Variants in CPEB1 observed in about 807,000 individuals in gnomAD.
CPEB1 encodes the protein cytoplasmic polyadenylation element binding protein 1.
Under a neutral mutation model 65.8 loss-of-function variants are expected in CPEB1, and 7 were observed. The observed-to-expected ratio is 0.11, with a 90% CI of 0.06 to 0.20. The LOEUF (loss-of-function observed/expected upper bound fraction) is 0.20, where lower values mean the gene tolerates loss of function less well. Ranked by LOEUF, CPEB1 falls within the 10% of genes least tolerant of loss-of-function variation. The pLI, the probability that CPEB1 is intolerant of heterozygous loss-of-function variation, is 1.00. For synonymous variants in CPEB1, 262 were observed against 260.0 expected (o/e 1.01, Z -0.08); for missense variants, 551 against 712.2 (o/e 0.77, Z 2.58).
chr15:82,636,450 T>C (rs956917234), intron 1 of CPEB1, among the ~76,000 whole-genome samples: 2 of 152,212 alleles, frequency 1.3e-5, no homozygotes, highest in African/African-American at 4.8e-5. Flanking sequence ...CTCTGGTTAT[T>C]CTTCATTTTT....
Position 82,604,324 on chromosome 15 carries a change from T to A in CPEB1, c.271+22869A>T, listed in dbSNP as rs991020362. 9.9e-5 allele frequency among the ~76,000 whole-genome samples: 15 copies of A among 151,772 alleles called. No individual in the cohort carries two copies. In the East Asian group the frequency reaches 2.9e-3, roughly 30 times the overall value. On this transcript the variant is annotated intron_variant, in intron 3 of 12. Coordinates refer to ENST00000684509, the MANE Select transcript of CPEB1 (RefSeq NM_001365242.1). ...GGGTGAAACCCTGTCTCTACTAAAA[T>A]ACAAAAAATTAGCTGGGCATGGTAG...
chr15:82,627,388 A>G (rs1452402194), intron 2 of CPEB1, 21 bp from the exon 3 acceptor site: 2 of 1,585,412 alleles, frequency 1.3e-6, no homozygotes, highest in East Asian at 2.2e-5. Context: ...AAAAAAAAAG[A>G]TATTTAGGTT....
chr15:82,599,023 A>G (rs759217398), intron 3 of CPEB1, among the ~76,000 whole-genome samples: 2 of 152,218 alleles, frequency 1.3e-5, no homozygotes, highest in African/African-American at 2.4e-5. Context: ...ACAAAGTTTT[A>G]AAATAAATAA....
chr15:82,604,121 G>A (rs73439148), intron 3 of CPEB1, among the ~76,000 whole-genome samples: 2 of 152,164 alleles, frequency 1.3e-5, no homozygotes, highest in Non-Finnish European at 2.9e-5. Flanking sequence ...GGCCCAGAAC[G>A]AAGGATCACT....
intron 3 of CPEB1, among the ~76,000 whole-genome samples, chr15:82,626,869 CTTAATT>C (rs979563170): frequency 9.2e-5 from 14 of 152,154 alleles, no homozygotes; most frequent in Admixed American, 5.9e-4. Context: ...TCATCTGTAT[CTTAATT>C]TTAACATGGC....
Position 82,582,010 on chromosome 15 carries a change from T to C in CPEB1, c.272-10478A>G, listed in dbSNP as rs151249507. Among the ~76,000 whole-genome samples, 198 of 152,352 alleles carry C rather than the reference T, an allele frequency of 1.3e-3. 1 individual carries two copies. The highest frequency in any genetic ancestry group is 2.4e-3 in the Non-Finnish European group (162 of 68,038). On this transcript the variant is annotated intron_variant, in intron 3 of 12. Transcript: ENST00000684509. ...TAACTGTATATAATGGAAAAAGAAC[T>C]ATTTCCTGATTGTCCATGATGCCAA...
At chr15:82,582,907 A>T (rs78452973) in intron 3 of CPEB1, among the ~76,000 whole-genome samples, 2 of 151,774 alleles carry the variant, frequency 1.3e-5, no homozygotes, top group Admixed American at 1.3e-4. Flanking sequence ...CACGACAGCT[A>T]ATTTTTTGTA....
At chr15:82,583,238 G>A (rs2041469261) in intron 3 of CPEB1, 1 of 152,162 alleles carries the variant, frequency 6.6e-6, no homozygotes, top group African/African-American at 2.4e-5. Flanking sequence ...TTATGGTATG[G>A]GGGAGTTCTG....
intron 3 of CPEB1, among the ~76,000 whole-genome samples, chr15:82,609,955 G>A (rs1221888337): frequency 6.6e-6 from 1 of 151,712 alleles, no homozygotes; most frequent in East Asian, 1.9e-4. Context: ...AGCTACTTGG[G>A]AGGCTGAGGC....
chr15:82,647,944 G>T (rs1490064001), upstream of CPEB1: 1 of 1,174,674 alleles, frequency 8.5e-7, no homozygotes, highest in East Asian at 3.3e-5. Context: ...ACGCACGTGG[G>T]CACTATTTTT....
intron 3 of CPEB1, among the ~76,000 whole-genome samples, chr15:82,595,740 ATTAAGT>A (rs1263227025): frequency 2.6e-5 from 4 of 152,246 alleles, no homozygotes; most frequent in Non-Finnish European, 5.9e-5. Context: ...AGTTCATGAA[ATTAAGT>A]TTATTTTTTA....
At chr15:82,548,313 AAC>A (rs2035630623) in intron 10 of CPEB1, among the ~76,000 whole-genome samples, 1 of 152,144 alleles carries the variant, frequency 6.6e-6, no homozygotes, top group African/African-American at 2.4e-5. Flanking sequence ...CCAGCACGGC[AAC>A]AGAGTGAGAC....
intron 3 of CPEB1, among the ~76,000 whole-genome samples, chr15:82,593,844 G>T (rs761895599): frequency 1.3e-5 from 2 of 152,178 alleles, no homozygotes; most frequent in Non-Finnish European, 2.9e-5. Context: ...AAGCTCGAGT[G>T]ACCAAGTGCA....
intron 4 of CPEB1, among the ~76,000 whole-genome samples, chr15:82,570,538 G>A (rs1239340106): frequency 2.6e-5 from 4 of 152,006 alleles, no homozygotes; most frequent in Non-Finnish European, 5.9e-5. Flanking sequence ...TTGTATTTAG[G>A]CAACCCTCCT....
intron 4 of CPEB1, among the ~76,000 whole-genome samples, chr15:82,568,995 T>G (rs551923952): frequency 6.7e-4 from 102 of 152,316 alleles, no homozygotes; most frequent in African/African-American, 2.4e-3. Context: ...AGCTTGCATC[T>G]TGGTCTCTAC....
chr15:82,648,630 C>A (rs587734479), upstream of CPEB1: 4 of 152,498 alleles, frequency 2.6e-5, no homozygotes, highest in African/African-American at 9.6e-5. Flanking sequence ...CCAGGGCAGG[C>A]GTCCTAGGGC....
intron 3 of CPEB1, among the ~76,000 whole-genome samples, chr15:82,611,970 G>A (rs2044198181): frequency 6.6e-6 from 1 of 151,872 alleles, no homozygotes; most frequent in Non-Finnish European, 1.5e-5. Context: ...CAGCACTTTG[G>A]GAAGCCGAGG....
At chr15:82,603,642 G>C (rs1479945158) in intron 3 of CPEB1, among the ~76,000 whole-genome samples, 1 of 152,154 alleles carries the variant, frequency 6.6e-6, no homozygotes, top group African/African-American at 2.4e-5. Flanking sequence ...TAAACTGTCT[G>C]GCTCAGTGTG....
intron 3 of CPEB1, among the ~76,000 whole-genome samples, chr15:82,583,044 C>T (rs914388875): frequency 7.9e-5 from 12 of 152,112 alleles, no homozygotes; most frequent in Non-Finnish European, 1.6e-4. Context: ...CTCCCTCACC[C>T]TCCCCACTAC....
Sources: gnomAD v4.1 joint callset for allele counts (sites outside exome capture counted in the v4.1 genomes callset) on GRCh38, gnomAD v4.1.1 for gene constraint, MANE v1.5 for transcripts, NCBI Gene and HGNC (gene_info 2026-07-23, HGNC 2026-07-21) for gene names.